The following CNTNAP3B variants were observed in gnomAD, a reference collection of about 807,000 sequenced individuals.
CNTNAP3B encodes contactin-associated protein-like 3B.
CNTNAP3B carries 25 observed loss-of-function variants against 108.9 expected under a neutral mutation model. The observed-to-expected ratio is 0.23, with a 90% CI of 0.17 to 0.32. CNTNAP3B has a LOEUF of 0.32. Among genes scored for constraint, CNTNAP3B ranks in the 10% least tolerant of loss-of-function variants. The pLI is 1.00. For synonymous variants in CNTNAP3B, 103 were observed against 473.4 expected, an observed-to-expected ratio of 0.22 and a Z score of 10.16; for missense variants, 252 against 1,210.4, an observed-to-expected ratio of 0.21 and a Z score of 11.75.
rs902033292 is a variant in CNTNAP3B, at chr9:41,922,541, T to C, written c.2755+136A>G. The C allele has an allele frequency of 3.7e-5, 37 of 989,714 alleles. No homozygotes were observed. In the African/African-American group the frequency reaches 6.0e-4, roughly 16 times the overall value. 61.3% of individuals were successfully genotyped at this position (989,714 alleles called of 1,614,324 possible). A position where few individuals can be genotyped will look rare whatever the true frequency, so the allele number is the denominator to read the frequency against. On this transcript the variant is annotated intron_variant, in intron 17 of 23. Coordinates refer to ENST00000377561, the MANE Select transcript of CNTNAP3B (RefSeq NM_001201380.3). ...AAGCACACAGCAAGCTCCTGGAACC[T>C]ACCAGGTTATCAGCAAATAGTACCA...
Position 42,121,947 on chromosome 9 carries a change from A to C in CNTNAP3B, c.85+7063T>G, listed in dbSNP as rs1406061957. 5.0e-5 allele frequency among the ~76,000 whole-genome samples: 7 copies of C among 140,194 alleles called. 2 individuals are homozygous for C. The highest frequency in any genetic ancestry group is 2.0e-4 in the African/African-American group (7 of 35,488). 92.0% of individuals were successfully genotyped at this position (140,194 alleles called of 152,430 possible). ...CTGTATTACTTACAGCATAGCAAAC[A>C]GTATGAGCATCAGCATATTTGCATC... On this transcript the variant is annotated intron_variant, in intron 1 of 23. Coordinates refer to ENST00000377561, the MANE Select transcript of CNTNAP3B (RefSeq NM_001201380.3).
chr9:41,944,166 C>A (rs1421685887), intron 13 of CNTNAP3B, among the ~76,000 whole-genome samples: 4 of 148,670 alleles, frequency 2.7e-5, no homozygotes, highest in Admixed American at 2.7e-4. Flanking sequence ...TCCAGTAGAC[C>A]TACCTTGCAA....
intron 15 of CNTNAP3B, among the ~76,000 whole-genome samples, chr9:41,925,818 C>G (rs1173025956): frequency 6.6e-6 from 1 of 152,284 alleles, no homozygotes; most frequent in African/African-American, 2.4e-5. Context: ...TTTGTCATAA[C>G]AAAATGATCC....
intron 2 of CNTNAP3B, among the ~76,000 whole-genome samples, chr9:42,098,485 A>G (rs1827956474): frequency 9.5e-6 from 1 of 105,078 alleles, no homozygotes; most frequent in Admixed American, 1.0e-4. Flanking sequence ...TGGGAGGCTG[A>G]GGCAGGAGAA....
At chr9:42,045,392 T>C (rs1587227480) in intron 3 of CNTNAP3B, among the ~76,000 whole-genome samples, 1 of 111,868 alleles carries the variant, frequency 8.9e-6, no homozygotes, top group East Asian at 2.6e-4. Context: ...GAAATTTATT[T>C]CGAAAGAGAT....
chr9:41,930,045 T>C (rs993056669), intron 14 of CNTNAP3B, among the ~76,000 whole-genome samples: 5 of 152,414 alleles, frequency 3.3e-5, no homozygotes, highest in Admixed American at 3.3e-4. Context: ...ACACTGGATT[T>C]AGATATTCAT....
chr9:41,969,500 G>A (rs1825379672), intron 10 of CNTNAP3B, among the ~76,000 whole-genome samples: 1 of 147,322 alleles, frequency 6.8e-6, no homozygotes, highest in African/African-American at 2.5e-5. Flanking sequence ...TTGCAAAAGC[G>A]AGCTTTATAA....
chr9:41,926,298 C>A (rs1160113202), intron 15 of CNTNAP3B, among the ~76,000 whole-genome samples: 3 of 152,112 alleles, frequency 2.0e-5, no homozygotes, highest in African/African-American at 4.8e-5. Flanking sequence ...CCTATCCCTG[C>A]AGATCCCCTA....
At chr9:41,962,771 T>A (rs1396853986) in intron 11 of CNTNAP3B, among the ~76,000 whole-genome samples, 1 of 151,998 alleles carries the variant, frequency 6.6e-6, no homozygotes, top group Admixed American at 6.6e-5. Context: ...CCGGCTAACA[T>A]GGCAAAACCC....
Position 41,959,029 on chromosome 9 carries a change from C to T in CNTNAP3B, c.1876+1744G>A, listed in dbSNP as rs546504103. ...AGTTTAGGTTTTCCTACCTTGACAA[C>T]GGTTTCCCCAAAGGTTAGTGCTTGT... On this transcript the variant is annotated intron_variant, in intron 12 of 23. Coordinates refer to ENST00000377561, the MANE Select transcript of CNTNAP3B (RefSeq NM_001201380.3). 2.3e-3 allele frequency among the ~76,000 whole-genome samples: 326 copies of T among 141,150 alleles called. 4 individuals carry two copies. The highest frequency in any genetic ancestry group is 3.8e-3 in the Non-Finnish European group (251 of 65,394). The allele number at this position is 141,150 out of a possible 152,430, so 92.6% of individuals were successfully genotyped here. A position where few individuals can be genotyped will look rare whatever the true frequency, so the allele number is the denominator to read the frequency against.
rs1196142634 is a variant in CNTNAP3B, at chr9:42,094,470, C to T, written c.196+10159G>A. Among the ~76,000 whole-genome samples, 6 of 128,714 alleles carry T rather than the reference C, an allele frequency of 4.7e-5. 1 individual carries two copies. The highest frequency in any genetic ancestry group is 8.1e-5 in the Non-Finnish European group (5 of 61,788). 84.4% of individuals were successfully genotyped at this position (128,714 alleles called of 152,430 possible). A position where few individuals can be genotyped will look rare whatever the true frequency, so the allele number is the denominator to read the frequency against. On this transcript the variant is annotated intron_variant, in intron 2 of 23. Transcript: ENST00000377561. The stretch of plus-strand genomic sequence containing the variant: ...AGGAATTCAAGACCAGCCTGAGCAA[C>T]ATAATGAGATCCCATCTTTACAAAA...
chr9:41,935,853 A>G (rs1289848009), intron 14 of CNTNAP3B, among the ~76,000 whole-genome samples: 1 of 152,406 alleles, frequency 6.6e-6, no homozygotes, highest in East Asian at 1.9e-4. Flanking sequence ...CTTCTGTCAC[A>G]CCAGTGCAGT....
At position 42,105,446 on chromosome 9, in the gene CNTNAP3B, C is replaced by T. The variant is rs900847774; in HGVS notation, c.86-707G>A. 4.0e-5 allele frequency among the ~76,000 whole-genome samples: 3 copies of T among 75,018 alleles called. 1 individual carries two copies. Among genetic ancestry groups the T allele is most frequent in the African/African-American group, 1.4e-4 (3 of 21,574 alleles). 49.2% of individuals were successfully genotyped at this position (75,018 alleles called of 152,430 possible). A position where few individuals can be genotyped will look rare whatever the true frequency, so the allele number is the denominator to read the frequency against. The stretch of plus-strand genomic sequence containing the variant: ...GCTCTGCCTTTCCAACCCAAGGACC[C>T]CTGCATGTCACCATGTCATCCTCAC... On this transcript the variant is annotated intron_variant, in intron 1 of 23. Transcript: ENST00000377561.
chr9:41,952,013 G>A lies in CNTNAP3B; in HGVS notation c.2080+1170C>T, dbSNP rs144502329. ...AATCGCTTGAATCCGGGAGGGGAGCGGGTTGCAGTGAGCAAAGATCGTGCC... is the reference window on the plus strand; with the variant it reads ...AATCGCTTGAATCCGGGAGGGGAGCAGGTTGCAGTGAGCAAAGATCGTGCC... On this transcript the variant is annotated intron_variant, in intron 13 of 23. Transcript: ENST00000377561. Among the ~76,000 whole-genome samples the A allele has an allele frequency of 9.3e-4, 142 of 152,314 alleles. No homozygotes were observed. The East Asian group carries it at 0.02, about 21-fold the overall frequency.
chr9:42,128,395 ACTGG>A (rs1300377265), intron 1 of CNTNAP3B, among the ~76,000 whole-genome samples: 2 of 135,594 alleles, frequency 1.5e-5, no homozygotes, highest in Non-Finnish European at 3.1e-5. Context: ...CACCTAAATG[ACTGG>A]CTGAGTTTTG....
At chr9:41,968,919 G>C (rs1289342812) in intron 10 of CNTNAP3B, among the ~76,000 whole-genome samples, 1 of 152,114 alleles carries the variant, frequency 6.6e-6, no homozygotes, top group African/African-American at 2.4e-5. Flanking sequence ...GCCTCAGCCT[G>C]CCGAGTAGCT....
chr9:41,953,815 TACTC>T (rs1414121669), intron 12 of CNTNAP3B, among the ~76,000 whole-genome samples: 5 of 152,258 alleles, frequency 3.3e-5, no homozygotes, highest in Admixed American at 1.3e-4. Context: ...GTGACGCACA[TACTC>T]ACAGGTATGA....
At chr9:42,081,369 T>A (rs1482827368) in intron 2 of CNTNAP3B, among the ~76,000 whole-genome samples, 2 of 148,252 alleles carry the variant, frequency 1.3e-5, no homozygotes, top group Non-Finnish European at 3.0e-5. Context: ...TATCCACTTT[T>A]AAGTTTTCAA....
At chr9:41,945,862 A>C (rs532976625) in intron 13 of CNTNAP3B, among the ~76,000 whole-genome samples, 1 of 151,994 alleles carries the variant, frequency 6.6e-6, no homozygotes, top group Admixed American at 6.6e-5. Flanking sequence ...TTAAATATAA[A>C]ATAGCGGGTA....
Sources: gnomAD v4.1 joint callset for allele counts (sites outside exome capture counted in the v4.1 genomes callset) on GRCh38, gnomAD v4.1.1 for gene constraint, MANE v1.5 for transcripts, NCBI Gene and HGNC (gene_info 2026-07-23, HGNC 2026-07-21) for gene names.